The following FARS2 variants were observed in gnomAD, a reference collection of about 807,000 sequenced individuals.
FARS2 encodes the protein phenylalanine--tRNA ligase, mitochondrial.
A neutral mutation model predicts 46.4 loss-of-function variants in FARS2; 40 were observed. The ratio of observed to expected loss-of-function variants is 0.86; its 90% CI spans 0.67 to 1.12. FARS2 has a LOEUF of 1.12. FARS2 is among the 50% of genes most tolerant of loss of function. FARS2 has a pLI of 0.00. For synonymous variants in FARS2, 234 were observed against 214.9 expected, an observed-to-expected ratio of 1.09 and a Z score of -0.78; for missense variants, 513 against 567.9, an observed-to-expected ratio of 0.90 and a Z score of 0.98.
rs568467880 is a variant in FARS2, at chr6:5,705,098, G to A, written c.1218-66193G>A. Among the ~76,000 whole-genome samples, 44 of 152,190 alleles carry A rather than the reference G, an allele frequency of 2.9e-4. 1 individual carries two copies. The highest frequency in any genetic ancestry group is 9.4e-4 in the African/African-American group (39 of 41,538). ...AATTAAAATAACAGTGCTTTGTTAC[G>A]GAAATGCTACATTTGGTCATTCAAG... On this transcript the variant is annotated intron_variant, in intron 6 of 6. Transcript: ENST00000274680.
chr6:5,380,772 G>A (rs2127667943), intron 2 of FARS2, among the ~76,000 whole-genome samples: 1 of 152,200 alleles, frequency 6.6e-6, no homozygotes, highest in South Asian at 2.1e-4. Flanking sequence ...TGCTTTCTGT[G>A]TCATCTCCCT....
In FARS2 at chr6:5,764,691, T is replaced by C. The variant is rs1762660455; in HGVS notation, c.1218-6600T>C. Among the ~76,000 whole-genome samples, 1 of 152,160 alleles carries C rather than the reference T, an allele frequency of 6.6e-6. No homozygotes were observed. Among genetic ancestry groups the C allele is most frequent in the Non-Finnish European group, 1.5e-5 (1 of 68,018 alleles). ...CCATCCAAGAACATGAAGTCGCTGC[T>C]CTGTCACAGATGGAGAAGCAGACTA... On this transcript the variant is annotated intron_variant, in intron 6 of 6. Transcript: ENST00000274680. This position sits in a 1 kb window ranked among gnomAD's most constrained non-coding sequence, Gnocchi z 4.1.
At chr6:5,469,543 C>A (rs1765698322) in intron 4 of FARS2, among the ~76,000 whole-genome samples, 1 of 152,244 alleles carries the variant, frequency 6.6e-6, no homozygotes, top group African/African-American at 2.4e-5. Flanking sequence ...CTCAGACCCT[C>A]TGCCAGGCTC....
chr6:5,304,667 CTTG>C (rs146038110), intron 1 of FARS2, among the ~76,000 whole-genome samples: 2,722 of 152,180 alleles, frequency 0.018, 73 homozygotes, highest in African/African-American at 0.062. Flanking sequence ...GTGTAAAAAA[CTTG>C]TTGGCGCGTT....
At chr6:5,554,552 C>T (rs1233674070) in intron 5 of FARS2, among the ~76,000 whole-genome samples, 1 of 152,118 alleles carries the variant, frequency 6.6e-6, no homozygotes, top group Non-Finnish European at 1.5e-5. Flanking sequence ...CTCTTTCATG[C>T]CTTATAGCAA....
intron 6 of FARS2, among the ~76,000 whole-genome samples, chr6:5,741,753 C>A (rs1257012072): frequency 6.6e-6 from 1 of 152,214 alleles, no homozygotes; most frequent in African/African-American, 2.4e-5. Flanking sequence ...TGGGTTCAAG[C>A]CATTTTCCTG....
intron 6 of FARS2, among the ~76,000 whole-genome samples, chr6:5,669,459 G>A (rs1173062169): frequency 2.0e-5 from 3 of 151,690 alleles, no homozygotes; most frequent in African/African-American, 7.3e-5. Context: ...TCAAGATAAG[G>A]GTAAATTTGA....
At chr6:5,470,756 T>C (rs1005066871) in intron 4 of FARS2, among the ~76,000 whole-genome samples, 1 of 152,218 alleles carries the variant, frequency 6.6e-6, no homozygotes, top group Non-Finnish European at 1.5e-5. Context: ...AGGCTTTCTT[T>C]TTCATCTAAC....
At chr6:5,682,988 A>G (rs1779110354) in intron 6 of FARS2, among the ~76,000 whole-genome samples, 1 of 152,212 alleles carries the variant, frequency 6.6e-6, no homozygotes, top group African/African-American at 2.4e-5. Context: ...GGCAGAACCG[A>G]GTTTGACATG....
At chr6:5,381,883 T>A (rs555854265) in intron 2 of FARS2, among the ~76,000 whole-genome samples, 1 of 152,142 alleles carries the variant, frequency 6.6e-6, no homozygotes, top group Admixed American at 6.5e-5. Flanking sequence ...AAGGGAAAAG[T>A]GGAAAGTCTC....
At chr6:5,410,149 G>GTTTTTTTTTTTTTTT (rs1171325752) in intron 3 of FARS2, among the ~76,000 whole-genome samples, 2 of 120,542 alleles carry the variant, frequency 1.7e-5, no homozygotes, top group Non-Finnish European at 3.3e-5. Flanking sequence ...TCGTTTTTGT[G>GTTTTTTTTTTTTTTT]TTTTTTTGTT....
At chr6:5,686,912 T>C (rs574658900) in intron 6 of FARS2, among the ~76,000 whole-genome samples, 2 of 152,372 alleles carry the variant, frequency 1.3e-5, no homozygotes, top group South Asian at 2.1e-4. Flanking sequence ...TGTGAGATGG[T>C]ATCTCATTGT....
At chr6:5,407,579 CATGTTTCAAATGGATTTATA>C (rs1377087588) in intron 3 of FARS2, among the ~76,000 whole-genome samples, 1 of 151,602 alleles carries the variant, frequency 6.6e-6, no homozygotes, top group East Asian at 1.9e-4. Context: ...GGGTGGAAAC[CATGTTTCAAATGGATTTATA>C]ATGTTTTTTT....
rs567145711 is a variant in FARS2, at chr6:5,444,967, C to T, written c.904+13795C>T. On this transcript the variant is annotated intron_variant, in intron 4 of 6. Transcript: ENST00000274680. ...GAGATCTTGGGCAAGTCCTGTGGGT[C>T]TCAGTTTCTTCATCTGTAAGATGAG... 3.3e-5 allele frequency among the ~76,000 whole-genome samples: 5 copies of T among 152,272 alleles called. No individual in the cohort carries two copies. The East Asian group carries it at 7.7e-4, about 23-fold the overall frequency.
intron 1 of FARS2, among the ~76,000 whole-genome samples, chr6:5,330,408 G>A (rs895610845): frequency 6.6e-6 from 1 of 152,166 alleles, no homozygotes; most frequent in African/African-American, 2.4e-5. Flanking sequence ...ATTTGGCTCA[G>A]TGTTATGTAT....
chr6:5,636,473 C>T (rs1372334119), intron 6 of FARS2, among the ~76,000 whole-genome samples: 1 of 152,234 alleles, frequency 6.6e-6, no homozygotes, highest in East Asian at 1.9e-4. Context: ...TGGACCCGGA[C>T]AGATGCTTGA....
intron 6 of FARS2, among the ~76,000 whole-genome samples, chr6:5,737,392 G>A (rs531753534): frequency 2.2e-4 from 34 of 152,320 alleles, no homozygotes; most frequent in South Asian, 8.3e-4. Flanking sequence ...TTAACTGTAC[G>A]TGGTGGCATG....
At chr6:5,635,912 A>G (rs934421493) in intron 6 of FARS2, among the ~76,000 whole-genome samples, 1 of 152,222 alleles carries the variant, frequency 6.6e-6, no homozygotes, top group Non-Finnish European at 1.5e-5. Flanking sequence ...GATGTCAGCC[A>G]TATTTCTAGG....
intron 1 of FARS2, among the ~76,000 whole-genome samples, chr6:5,266,134 AC>A: frequency 6.6e-6 from 1 of 152,224 alleles, no homozygotes; most frequent in Non-Finnish European, 1.5e-5. Flanking sequence ...AAGATGACTC[AC>A]CCTTTACCTT....
Sources: allele counts gnomAD v4.1 joint callset (sites outside exome capture counted in the v4.1 genomes callset), GRCh38; gene constraint gnomAD v4.1.1; non-coding constraint Gnocchi (gnomAD v3.1); transcripts MANE v1.5; gene names NCBI Gene and HGNC (gene_info 2026-07-23, HGNC 2026-07-21).